The following ANKFN1 variants were observed in gnomAD, a reference collection of about 807,000 sequenced individuals.
ANKFN1 encodes ankyrin repeat and fibronectin type III domain containing 1.
ANKFN1 carries 74 observed loss-of-function variants against 108.7 expected under a neutral mutation model. The observed-to-expected ratio is 0.68, with a 90% CI of 0.56 to 0.83. The LOEUF (loss-of-function observed/expected upper bound fraction) is 0.83. ANKFN1 is among the 40% of genes least tolerant of loss of function. The pLI is 0.00. For synonymous variants in ANKFN1, 547 were observed against 516.2 expected, an observed-to-expected ratio of 1.06 and a Z score of -0.81; for missense variants, 1,505 against 1,382.3, an observed-to-expected ratio of 1.09 and a Z score of -1.41.
chr17:56,371,141 C>G (rs1428284660), intron 6 of ANKFN1, among the ~76,000 whole-genome samples: 1 of 151,750 alleles, frequency 6.6e-6, no homozygotes, highest in Non-Finnish European at 1.5e-5. Flanking sequence ...ATGACTGAGG[C>G]TTTTAAAAAA....
chr17:56,157,403 A>G (rs910000849), intron 1 of ANKFN1, among the ~76,000 whole-genome samples: 5 of 152,218 alleles, frequency 3.3e-5, no homozygotes, highest in Non-Finnish European at 7.3e-5. Flanking sequence ...ATCAGGGATT[A>G]GCTGGACCTC....
At chr17:56,464,501 C>G (rs1048123858) in intron 14 of ANKFN1, among the ~76,000 whole-genome samples, 3 of 151,934 alleles carry the variant, frequency 2.0e-5, no homozygotes, top group African/African-American at 7.3e-5. Context: ...GCAGTAAAGC[C>G]AGAGACATGC....
At chr17:56,250,303 A>G (rs2043205411) in intron 3 of ANKFN1, among the ~76,000 whole-genome samples, 1 of 152,198 alleles carries the variant, frequency 6.6e-6, no homozygotes, top group Non-Finnish European at 1.5e-5. Context: ...TTCATCTTAC[A>G]TGAGCACTAC....
chr17:56,449,074 A>T lies in ANKFN1; in HGVS notation c.1100-5A>T. On this transcript the variant is annotated splice_region_variant and splice_polypyrimidine_tract_variant and intron_variant, in intron 10 of 20. Coordinates refer to ENST00000682825, the MANE Select transcript of ANKFN1 (RefSeq NM_001370326.1). Reference sequence around the variant, plus strand: ...TTCACTATGTTTATTTCTTTTGTTCAATAGACTGGAAAGACTATGACGACA... The same window carrying T: ...TTCACTATGTTTATTTCTTTTGTTCTATAGACTGGAAAGACTATGACGACA... 6.2e-7 allele frequency: 1 copy of T among 1,611,120 alleles called. No individual in the cohort carries two copies. Among genetic ancestry groups the T allele is most frequent in the Non-Finnish European group, 8.5e-7 (1 of 1,177,642 alleles).
intron 1 of ANKFN1, among the ~76,000 whole-genome samples, chr17:56,196,583 A>C (rs1913532015): frequency 6.6e-6 from 1 of 152,114 alleles, no homozygotes; most frequent in Non-Finnish European, 1.5e-5. Flanking sequence ...AAATTTTTAA[A>C]AAAAAATTTA....
chr17:56,213,391 C>G (rs1915181325), intron 2 of ANKFN1, among the ~76,000 whole-genome samples: 1 of 152,072 alleles, frequency 6.6e-6, no homozygotes, highest in Non-Finnish European at 1.5e-5. Flanking sequence ...ACGCTGGATG[C>G]CTGGTTTTTC....
At chr17:56,234,893 G>A (rs750932778) in intron 3 of ANKFN1, among the ~76,000 whole-genome samples, 1 of 152,080 alleles carries the variant, frequency 6.6e-6, no homozygotes, top group Non-Finnish European at 1.5e-5. Context: ...GCGTTGAATG[G>A]TAGTCCTGTT....
intron 8 of ANKFN1, among the ~76,000 whole-genome samples, chr17:56,399,023 A>T (rs898071781): frequency 3.3e-5 from 5 of 152,172 alleles, no homozygotes; most frequent in Non-Finnish European, 7.4e-5. Context: ...CAAATACAGA[A>T]ATTTTGTATA....
At chr17:56,429,496 T>A (rs913693444) in intron 8 of ANKFN1, among the ~76,000 whole-genome samples, 3 of 152,366 alleles carry the variant, frequency 2.0e-5, no homozygotes, top group Admixed American at 6.5e-5. Context: ...TTCATATAAT[T>A]TTCACGTTAT....
intron 8 of ANKFN1, among the ~76,000 whole-genome samples, chr17:56,377,383 C>T (rs1477342551): frequency 1.3e-5 from 2 of 152,168 alleles, no homozygotes; most frequent in East Asian, 1.9e-4. Flanking sequence ...CATCACAACT[C>T]GGAGATTAAA....
intron 1 of ANKFN1, among the ~76,000 whole-genome samples, chr17:56,185,440 T>C (rs890677673): frequency 6.6e-6 from 1 of 152,152 alleles, no homozygotes; most frequent in Non-Finnish European, 1.5e-5. Flanking sequence ...CTTCCCATAA[T>C]ACCAAACTTT....
At chr17:56,381,723 G>A (rs2047110907) in intron 8 of ANKFN1, among the ~76,000 whole-genome samples, 1 of 152,050 alleles carries the variant, frequency 6.6e-6, no homozygotes, top group South Asian at 2.1e-4. Flanking sequence ...AAGCGAGAAG[G>A]GAAGTTTAGA....
chr17:56,159,460 C>T lies in ANKFN1; in HGVS notation c.-71+5930C>T, dbSNP rs933208753. On this transcript the variant is annotated intron_variant, in intron 1 of 20. Transcript: ENST00000682825. ...CTTCTGTGAGTTCTGAACATTTCTT[C>T]AGCAACTCTGAAATAAATATGAGAT... is the stretch of plus-strand genomic sequence containing the variant. Among the ~76,000 whole-genome samples, 8 of 152,346 alleles carry T rather than the reference C, an allele frequency of 5.3e-5. No individual in the cohort carries two copies. The South Asian group carries it at 1.4e-3, about 28-fold the overall frequency.
chr17:56,446,763 G>T (rs1328428178), intron 10 of ANKFN1, among the ~76,000 whole-genome samples: 1 of 151,980 alleles, frequency 6.6e-6, no homozygotes, highest in Non-Finnish European at 1.5e-5. Context: ...AATTAGCCAG[G>T]TGTGGTGGCA....
chr17:56,288,378 T>A (rs1415314499), intron 3 of ANKFN1, among the ~76,000 whole-genome samples: 1 of 152,176 alleles, frequency 6.6e-6, no homozygotes, highest in African/African-American at 2.4e-5. Context: ...TTTTTTTAGC[T>A]GAACAATATA....
At chr17:56,368,095 C>A in intron 6 of ANKFN1, 3 of 1,048,006 alleles carry the variant, frequency 2.9e-6, no homozygotes, top group South Asian at 1.9e-5. Flanking sequence ...AGTTACACTT[C>A]TGTAACACCA....
intron 3 of ANKFN1, among the ~76,000 whole-genome samples, chr17:56,284,642 A>AT (rs1193335756): frequency 6.6e-6 from 1 of 152,254 alleles, no homozygotes; most frequent in Non-Finnish European, 1.5e-5. Context: ...AGCTTTACAT[A>AT]TGCAGTGTAT....
intron 11 of ANKFN1, 137 bp downstream of exon 11, chr17:56,449,323 T>G (rs2049407875): frequency 1.8e-6 from 1 of 559,278 alleles, no homozygotes; most frequent in African/African-American, 1.9e-5. Context: ...GGAATCACTT[T>G]ACAGCACTAT....
At chr17:56,482,084 C>T (rs2050725765) in intron 17 of ANKFN1, among the ~76,000 whole-genome samples, 2 of 151,850 alleles carry the variant, frequency 1.3e-5, no homozygotes, top group Admixed American at 1.3e-4. Context: ...TAATTATAGT[C>T]ATCATTTTGA....
Sources: gnomAD v4.1 joint callset for allele counts (sites outside exome capture counted in the v4.1 genomes callset) on GRCh38, gnomAD v4.1.1 for gene constraint, MANE v1.5 for transcripts, NCBI Gene and HGNC (gene_info 2026-07-23, HGNC 2026-07-21) for gene names.